The following GRAMD2B variants were observed in gnomAD, a reference collection of about 807,000 sequenced individuals.
The protein encoded by GRAMD2B is GRAM domain-containing protein 2B.
In GRAMD2B, 41 loss-of-function variants were observed where a neutral mutation model predicts 59.2. The ratio of observed to expected loss-of-function variants is 0.69; its 90% CI spans 0.54 to 0.90. The LOEUF is 0.90. Among genes scored for constraint, GRAMD2B ranks in the 40% least tolerant of loss-of-function variants. The pLI is 0.00. For synonymous variants in GRAMD2B, 161 were observed against 182.7 expected, an observed-to-expected ratio of 0.88 and a Z score of 0.96; for missense variants, 424 against 500.5, an observed-to-expected ratio of 0.85 and a Z score of 1.46.
intron 1 of GRAMD2B, among the ~76,000 whole-genome samples, chr5:126,364,440 G>C (rs1390265529): frequency 6.6e-6 from 1 of 152,194 alleles, no homozygotes; most frequent in Non-Finnish European, 1.5e-5. Context: ...TCACACAATA[G>C]CAGTGGAAAA....
Position 126,486,974 on chromosome 5 carries a change from C to T in GRAMD2B, c.1160C>T (p.Thr387Ile). 1.3e-6 allele frequency: 2 copies of T among 1,540,230 alleles called. No homozygotes were observed. Among genetic ancestry groups the T allele is most frequent in the Non-Finnish European group, 1.8e-6 (2 of 1,113,116 alleles). The change falls in exon 12 of 14, where the codon ACT becomes ATT. Residue 387 changes from threonine (T) to isoleucine (I), a missense_variant. Coordinates refer to ENST00000285689, the MANE Select transcript of GRAMD2B (RefSeq NM_023927.4). Reference protein sequence around the residue: ...LLTSIVDTHNTEQAAPSGLRS... With the variant: ...LLTSIVDTHNIEQAAPSGLRS... ...ACCTCCATTGTGGACACCCATAATA[C>T]TGAGTAAGACGATTGCCTCTAGCTG... is the stretch of plus-strand genomic sequence containing the variant.
In GRAMD2B at chr5:126,437,534, C is replaced by T. The variant is rs1437622779; in HGVS notation, c.83+13845C>T. 2.0e-5 allele frequency among the ~76,000 whole-genome samples: 3 copies of T among 151,988 alleles called. No homozygotes were observed. In the East Asian group the frequency reaches 5.8e-4, roughly 29 times the overall value. Reference sequence around the variant, plus strand: ...AAATCATGAGAGTGGGTCCAATTTCCCACTAACAAGAGTAGGAAACTGAGG... The same window carrying T: ...AAATCATGAGAGTGGGTCCAATTTCTCACTAACAAGAGTAGGAAACTGAGG... On this transcript the variant is annotated intron_variant, in intron 1 of 13. Coordinates refer to ENST00000285689, the MANE Select transcript of GRAMD2B (RefSeq NM_023927.4).
At chr5:126,407,077 A>G (rs77487002) in intron 1 of GRAMD2B, among the ~76,000 whole-genome samples, 11,328 of 152,044 alleles carry the variant, frequency 0.075, 578 homozygotes, top group African/African-American at 0.15. Context: ...TTCTTGCTAC[A>G]TTTGCTTTCA....
chr5:126,471,328 G>A (rs1050298288), intron 3 of GRAMD2B, among the ~76,000 whole-genome samples: 1 of 152,194 alleles, frequency 6.6e-6, no homozygotes, highest in Admixed American at 6.5e-5. Context: ...TCCTGCCTCA[G>A]CCTCCCGAGT....
At chr5:126,442,108 C>T (rs1184530533) in intron 1 of GRAMD2B, among the ~76,000 whole-genome samples, 2 of 150,924 alleles carry the variant, frequency 1.3e-5, no homozygotes, top group South Asian at 2.1e-4. Flanking sequence ...AACAAGAAGG[C>T]TAACTATCCC....
chr5:126,363,435 G>A (rs11742396), intron 1 of GRAMD2B, among the ~76,000 whole-genome samples: 22,645 of 152,102 alleles, frequency 0.15, 2,098 homozygotes, highest in East Asian at 0.26. Context: ...GTTAAATATA[G>A]CAATTTCATT....
intron 6 of GRAMD2B, among the ~76,000 whole-genome samples, chr5:126,478,335 AG>A (rs1239380536): frequency 6.6e-6 from 1 of 151,928 alleles, no homozygotes; most frequent in Non-Finnish European, 1.5e-5. Context: ...CTACTTGGGA[AG>A]CTGAGGTAGG....
intron 1 of GRAMD2B, among the ~76,000 whole-genome samples, chr5:126,464,495 C>T (rs1767945031): frequency 6.6e-6 from 1 of 152,204 alleles, no homozygotes; most frequent in Non-Finnish European, 1.5e-5. Flanking sequence ...CACCGGCCGA[C>T]TGAGGGAACT....
chr5:126,465,193 C>T, intron 1 of GRAMD2B: 2 of 1,378,256 alleles, frequency 1.5e-6, no homozygotes, highest in Non-Finnish European at 1.9e-6. Flanking sequence ...AGCAAGTCCA[C>T]ACAGTCTGGC....
chr5:126,401,777 C>T (rs945825377), intron 1 of GRAMD2B, among the ~76,000 whole-genome samples: 4 of 152,034 alleles, frequency 2.6e-5, no homozygotes, highest in African/African-American at 9.7e-5. Context: ...AAAATGATAG[C>T]TTACATTATT....
intron 1 of GRAMD2B, among the ~76,000 whole-genome samples, chr5:126,395,203 C>T (rs190151564): frequency 3.9e-5 from 6 of 152,204 alleles, no homozygotes; most frequent in African/African-American, 1.4e-4. Flanking sequence ...TTTTAAAATA[C>T]AGTTAATATC....
intron 1 of GRAMD2B, among the ~76,000 whole-genome samples, chr5:126,445,936 G>A (rs573141625): frequency 5.9e-5 from 9 of 152,160 alleles, no homozygotes; most frequent in South Asian, 2.1e-4. Context: ...ACCTGGTGAT[G>A]TCAAAGTAGG....
intron 1 of GRAMD2B, among the ~76,000 whole-genome samples, chr5:126,396,832 G>T (rs1171773865): frequency 6.6e-6 from 1 of 152,136 alleles, no homozygotes; most frequent in Non-Finnish European, 1.5e-5. Context: ...AAACTCACCA[G>T]CATCTGCTAT....
intron 1 of GRAMD2B, among the ~76,000 whole-genome samples, chr5:126,396,239 G>A (rs1259481271): frequency 6.6e-6 from 1 of 151,988 alleles, no homozygotes; most frequent in Non-Finnish European, 1.5e-5. Flanking sequence ...GTAAACCTAT[G>A]ACATGGGGGT....
intron 1 of GRAMD2B, among the ~76,000 whole-genome samples, chr5:126,464,709 T>C (rs7734622): frequency 0.043 from 6,517 of 152,300 alleles, 272 homozygotes; most frequent in African/African-American, 0.11. Flanking sequence ...ATTCCCACTC[T>C]GCCCTGGAGC....
upstream of GRAMD2B, among the ~76,000 whole-genome samples, chr5:126,367,225 T>C (rs748843837): frequency 9.9e-5 from 15 of 152,228 alleles, no homozygotes; most frequent in South Asian, 2.1e-4. Context: ...ATTGTATTAA[T>C]AATAGCCTAA....
chr5:126,405,810 G>A (rs561592126), intron 1 of GRAMD2B, among the ~76,000 whole-genome samples: 214 of 151,710 alleles, frequency 1.4e-3, no homozygotes, highest in South Asian at 4.2e-3. Flanking sequence ...ACAGCCACAC[G>A]ATAAGCTAGG....
intron 1 of GRAMD2B, among the ~76,000 whole-genome samples, chr5:126,377,694 G>A (rs1358112108): frequency 2.0e-5 from 3 of 152,156 alleles, no homozygotes; most frequent in African/African-American, 2.4e-5. Context: ...TATGGTATTA[G>A]AATGGCTTCC....
At position 126,414,102 on chromosome 5, in the gene GRAMD2B, G is replaced by T. The variant is rs992885980; in HGVS notation, c.125+42535G>T. ...CCATCGACAATCCCTTAGACATCCA[G>T]TGCAGAAAAGTAAATACTGTAGGAC... On this transcript the variant is annotated intron_variant, in intron 1 of 8. Transcript: ENST00000506445. Among the ~76,000 whole-genome samples, 3 of 152,056 alleles carry T rather than the reference G, an allele frequency of 2.0e-5. 1 individual carries two copies. Among genetic ancestry groups the T allele is most frequent in the Non-Finnish European group, 4.4e-5 (3 of 67,996 alleles).
Sources: allele counts gnomAD v4.1 joint callset (sites outside exome capture counted in the v4.1 genomes callset), GRCh38; gene constraint gnomAD v4.1.1; transcripts MANE v1.5; gene names NCBI Gene and HGNC (gene_info 2026-07-23, HGNC 2026-07-21).